The following SETDB2 variants were observed in gnomAD, a reference collection of about 807,000 sequenced individuals.
SETDB2 encodes the protein SET domain bifurcated histone lysine methyltransferase 2.
Under a neutral mutation model 82.5 loss-of-function variants are expected in SETDB2, and 56 were observed. The ratio of observed to expected loss-of-function variants is 0.68; its 90% CI spans 0.55 to 0.85. SETDB2 has a LOEUF of 0.85. Among genes scored for constraint, SETDB2 ranks in the 40% least tolerant of loss-of-function variants. The pLI is 0.00. For synonymous variants in SETDB2, 272 were observed against 284.9 expected (o/e 0.95, Z 0.46); for missense variants, 677 against 816.4 (o/e 0.83, Z 2.08).
chr13:49,450,821 A>G (rs1046444241), intron 1 of SETDB2, among the ~76,000 whole-genome samples: 1 of 151,994 alleles, frequency 6.6e-6, no homozygotes, highest in Admixed American at 6.6e-5. Context: ...CTACCTCCAG[A>G]TATGTTATCC....
chr13:49,480,032 A>G (rs1449180714), intron 6 of SETDB2, among the ~76,000 whole-genome samples, 187 bp from the exon 7 acceptor site: 1 of 152,216 alleles, frequency 6.6e-6, no homozygotes, highest in African/African-American at 2.4e-5. Flanking sequence ...ATAATTATTT[A>G]TAAACTTTTG....
At chr13:49,477,187 G>A (rs2138944157) in intron 6 of SETDB2, 148 bp downstream of exon 6, 2 of 708,166 alleles carry the variant, frequency 2.8e-6, no homozygotes, top group Middle Eastern at 4.0e-4. Context: ...TGTAATCCCA[G>A]CACTTTTGGG....
intron 10 of SETDB2, 21 bp downstream of exon 10, chr13:49,483,584 T>A (rs747073647): frequency 3.2e-6 from 3 of 943,390 alleles, no homozygotes; most frequent in Admixed American, 2.8e-5. Flanking sequence ...CAAAATGTAG[T>A]TGGGACCCTT....
intron 10 of SETDB2, among the ~76,000 whole-genome samples, chr13:49,485,425 G>A (rs1010673097): frequency 2.0e-5 from 3 of 152,132 alleles, no homozygotes; most frequent in African/African-American, 7.2e-5. Flanking sequence ...GCTTAATAAA[G>A]CACCTAGAAG....
At chr13:49,478,013 A>G (rs897282941) in intron 6 of SETDB2, among the ~76,000 whole-genome samples, 4 of 152,230 alleles carry the variant, frequency 2.6e-5, no homozygotes, top group Non-Finnish European at 5.9e-5. Context: ...GTGTTGCATT[A>G]TATGTACTTT....
chr13:49,468,534 C>T (rs1005728798), intron 5 of SETDB2, among the ~76,000 whole-genome samples: 1 of 151,164 alleles, frequency 6.6e-6, no homozygotes, highest in Non-Finnish European at 1.5e-5. Flanking sequence ...GTACTAATTA[C>T]AGGGAAGTTT....
intron 5 of SETDB2, among the ~76,000 whole-genome samples, chr13:49,470,569 T>C (rs1395515929): frequency 2.0e-5 from 3 of 152,190 alleles, no homozygotes; most frequent in Non-Finnish European, 4.4e-5. Flanking sequence ...AAGATTAGGC[T>C]GAGCATGGTG....
chr13:49,482,001 G>A lies in SETDB2; in HGVS notation c.1157-736G>A, dbSNP rs113791576. On this transcript the variant is annotated intron_variant, in intron 8 of 13. Transcript: ENST00000611815. ...CTTGCAGAGTTCAGAGTAGTCACAC[G>A]TATGGATCCCTGCCACTCCCCATTT... 4.7e-3 allele frequency: 4,436 copies of A among 937,200 alleles called. 156 individuals are homozygous for A. The African/African-American group carries it at 0.071, about 15-fold the overall frequency. 58.1% of individuals were successfully genotyped at this position (937,200 alleles called of 1,614,324 possible).
chr13:49,474,666 A>G (rs1958319715), intron 5 of SETDB2, among the ~76,000 whole-genome samples: 1 of 152,236 alleles, frequency 6.6e-6, no homozygotes, highest in African/African-American at 2.4e-5. Flanking sequence ...GGTCTAGCCT[A>G]TACTACATGT....
Position 49,467,879 on chromosome 13 carries a change from C to T in SETDB2, c.224C>T (p.Thr75Ile). The change falls in exon 5 of 14, where the codon ACT becomes ATT. Residue 75 changes from threonine to isoleucine, a missense_variant. Physicochemically the swap from Thr to Ile is moderately conservative, Grantham distance 89 (BLOSUM62 -1). Coordinates refer to ENST00000611815, the MANE Select transcript of SETDB2 (RefSeq NM_001160308.3). ...STSIKDPMPV[T>I]QKEQENKSNA... ...TTTTGTGTAGATCCTATGCCTGTGA[C>T]TCAGAAGGAACAGGAAAACAAATCC... 2 of 1,584,930 alleles carry T rather than the reference C, an allele frequency of 1.3e-6. No homozygotes were observed. Among genetic ancestry groups the T allele is most frequent in the South Asian group, 1.2e-5 (1 of 86,262 alleles).
In SETDB2 at chr13:49,483,609, A is replaced by ATTT. The variant is rs745508872; in HGVS notation, c.1482+81_1482+83dup. The ATTT allele has an allele frequency of 9.5e-4, 209 of 220,464 alleles. 13 individuals are homozygous for ATTT. The highest frequency in any genetic ancestry group is 1.2e-3 in the Non-Finnish European group (150 of 128,292). 13.7% of individuals were successfully genotyped at this position (220,464 alleles called of 1,614,324 possible). ...TTGGGACCCTTCTTTTCTTTTTTAA[A>ATTT]TTTTTTTTTTTTTTTTTTTTTTTTT... is the stretch of plus-strand genomic sequence containing the variant. On this transcript the variant is annotated intron_variant, in intron 10 of 13. Transcript: ENST00000611815.
chr13:49,447,197 C>G (rs1470012746), intron 1 of SETDB2, among the ~76,000 whole-genome samples: 1 of 151,846 alleles, frequency 6.6e-6, no homozygotes, highest in Non-Finnish European at 1.5e-5. Flanking sequence ...TTTATGTGTC[C>G]TCGATACTGT....
chr13:49,455,496 C>T (rs1957866154), intron 2 of SETDB2, among the ~76,000 whole-genome samples: 1 of 152,080 alleles, frequency 6.6e-6, no homozygotes, highest in South Asian at 2.1e-4. Context: ...CAAATGTTGA[C>T]ACATTTAATC....
intron 1 of SETDB2, among the ~76,000 whole-genome samples, chr13:49,448,596 T>TG (rs1306177137): frequency 3.9e-5 from 6 of 152,026 alleles, no homozygotes; most frequent in East Asian, 1.9e-4. Context: ...TAGTATGGGG[T>TG]GGGGGGTTGA....
At chr13:49,460,039 A>G in intron 2 of SETDB2, 68 bp from the exon 3 acceptor site, 1 of 1,498,712 alleles carries the variant, frequency 6.7e-7, no homozygotes, top group Non-Finnish European at 9.1e-7. Flanking sequence ...TTGTTCTATA[A>G]CATGTTCTTA....
chr13:49,477,866 A>C (rs2138946992), intron 6 of SETDB2, among the ~76,000 whole-genome samples: 1 of 152,352 alleles, frequency 6.6e-6, no homozygotes, highest in East Asian at 1.9e-4. Context: ...GATGCTTATA[A>C]CTAGTATTTT....
intron 5 of SETDB2, among the ~76,000 whole-genome samples, chr13:49,471,928 ATATATATTTT>A (rs1566166221): frequency 1.5e-5 from 1 of 68,300 alleles, no homozygotes; most frequent in African/African-American, 6.3e-5. Flanking sequence ...ATATATATAT[ATATATATTTT>A]TTTTTTTTTT....
chr13:49,459,228 C>T (rs1957946816), intron 2 of SETDB2, among the ~76,000 whole-genome samples: 1 of 152,144 alleles, frequency 6.6e-6, no homozygotes, highest in Non-Finnish European at 1.5e-5. Context: ...GATACCTAAG[C>T]CCCTTATGCA....
At chr13:49,470,879 C>G (rs1458471317) in intron 5 of SETDB2, among the ~76,000 whole-genome samples, 3 of 151,948 alleles carry the variant, frequency 2.0e-5, no homozygotes. Flanking sequence ...ACGGCAAACC[C>G]CAGGATGAAA....
Sources: gnomAD v4.1 joint callset for allele counts (sites outside exome capture counted in the v4.1 genomes callset) on GRCh38, gnomAD v4.1.1 for gene constraint, MANE v1.5 for transcripts, NCBI Gene and HGNC (gene_info 2026-07-23, HGNC 2026-07-21) for gene names.